The following VRK2 variants were observed in gnomAD, a reference collection of about 807,000 sequenced individuals.
The protein encoded by VRK2 is VRK serine/threonine kinase 2.
In VRK2, 60 loss-of-function variants were observed where a neutral mutation model predicts 57.6. The observed-to-expected ratio is 1.04, with a 90% confidence interval of 0.85 to 1.29. The LOEUF (loss-of-function observed/expected upper bound fraction) is 1.29, where lower values mean the gene tolerates loss of function less well. Ranked by LOEUF, VRK2 falls within the 50% of genes most tolerant of loss-of-function variation. VRK2 has a pLI of 0.00. For synonymous variants in VRK2, 231 were observed against 199.2 expected (o/e 1.16, Z -1.35); for missense variants, 705 against 588.1 (o/e 1.20, Z -2.06).
At chr2:58,049,053 T>A in intron 2 of VRK2, 86 bp downstream of exon 2, 1 of 1,477,488 alleles carries the variant, frequency 6.8e-7, no homozygotes, top group East Asian at 2.3e-5. Context: ...AATGGAAATA[T>A]GGAATTCATA....
intron 1 of VRK2, among the ~76,000 whole-genome samples, chr2:57,931,874 C>T (rs1439485162): frequency 6.6e-6 from 1 of 150,916 alleles, no homozygotes; most frequent in Non-Finnish European, 1.5e-5. Flanking sequence ...ATGGAAGAGA[C>T]TACCTTTTAC....
chr2:58,103,524 A>G (rs1031609430), intron 7 of VRK2, among the ~76,000 whole-genome samples: 2 of 151,562 alleles, frequency 1.3e-5, no homozygotes, highest in East Asian at 1.9e-4. Context: ...GAAACATACA[A>G]CCTCTCAAGA....
intron 6 of VRK2, among the ~76,000 whole-genome samples, chr2:58,089,372 G>C (rs1672059744): frequency 6.6e-6 from 1 of 152,142 alleles, no homozygotes. Context: ...CAGGAATTAG[G>C]CATAAGCATT....
intron 1 of VRK2, chr2:58,048,526 G>A: frequency 3.0e-6 from 4 of 1,327,442 alleles, no homozygotes; most frequent in Non-Finnish European, 4.0e-6. Context: ...TGTTTCTTAA[G>A]GTGTGTCCTG....
chr2:58,032,683 C>G (rs1674153307), intron 2 of VRK2, among the ~76,000 whole-genome samples: 1 of 152,116 alleles, frequency 6.6e-6, no homozygotes, highest in African/African-American at 2.4e-5. Context: ...TTCCAGTCTC[C>G]CTTAGGATAG....
intron 1 of VRK2, among the ~76,000 whole-genome samples, chr2:57,948,601 G>C (rs1461527074): frequency 6.6e-6 from 1 of 151,930 alleles, no homozygotes; most frequent in Non-Finnish European, 1.5e-5. Context: ...GGTTTTAAGT[G>C]CTGGTAAAAA....
At chr2:57,969,762 T>G (rs1672034930) in intron 1 of VRK2, among the ~76,000 whole-genome samples, 1 of 152,124 alleles carries the variant, frequency 6.6e-6, no homozygotes, top group Non-Finnish European at 1.5e-5. Flanking sequence ...TGTATTGCGG[T>G]CAGCTGAGGC....
rs184346800 is a variant in VRK2 at position 57,968,437 on chromosome 2, T to C, written c.-438-57228T>C. ...AGATACTTATCAAAACATATTCTAATGAAATGCTTGATTCTTTAGTGTAAG... is the reference window on the plus strand; with the variant it reads ...AGATACTTATCAAAACATATTCTAACGAAATGCTTGATTCTTTAGTGTAAG... On this transcript the variant is annotated intron_variant, in intron 1 of 15. Coordinates refer to the VRK2 transcript ENST00000417641. Among the ~76,000 whole-genome samples the C allele has an allele frequency of 4.6e-5, 7 of 152,222 alleles. No individual in the cohort carries two copies. In the East Asian group the frequency reaches 1.4e-3, roughly 29 times the overall value.
Position 58,146,973 on chromosome 2 carries a change from C to T in VRK2, c.1182+499C>T, listed in dbSNP as rs75170771. ...TCCCTAATCTAACCTTTTTTGACAACAAGGAGAAGCATACAATGCATTTAT... is the reference window on the plus strand; with the variant it reads ...TCCCTAATCTAACCTTTTTTGACAATAAGGAGAAGCATACAATGCATTTAT... On this transcript the variant is annotated intron_variant, in intron 12 of 12. Transcript: ENST00000340157. Among the ~76,000 whole-genome samples, 849 of 151,970 alleles carry T rather than the reference C, an allele frequency of 5.6e-3. 8 individuals are homozygous for T. Among genetic ancestry groups the T allele is most frequent in the African/African-American group, 0.02 (823 of 41,502 alleles).
intron 11 of VRK2, among the ~76,000 whole-genome samples, chr2:58,145,653 C>A (rs1166191123): frequency 6.6e-6 from 1 of 151,810 alleles, no homozygotes. Context: ...ACTTTAAGTT[C>A]TAGGGTACAT....
rs1001630566 is a variant in VRK2, at chr2:58,031,785, T to G, written c.-332-1442T>G. Among the ~76,000 whole-genome samples the G allele has an allele frequency of 4.6e-5, 7 of 152,196 alleles. No individual in the cohort carries two copies. In the South Asian group the frequency reaches 1.2e-3, roughly 27 times the overall value. On this transcript the variant is annotated intron_variant, in intron 2 of 15. Transcript: ENST00000417641. ...TGTGCTATCTCTGATTTGAATCATA[T>G]CTGCTCAGATGTGGAACACGGACTT... is the stretch of plus-strand genomic sequence containing the variant.
At chr2:58,015,173 T>C (rs1037939062) in intron 1 of VRK2, among the ~76,000 whole-genome samples, 10 of 152,218 alleles carry the variant, frequency 6.6e-5, no homozygotes, top group Admixed American at 6.5e-4. Flanking sequence ...TTAAGTCCTC[T>C]TGTGTGGCTA....
At chr2:58,080,565 T>C (rs1328238202) in intron 2 of VRK2, among the ~76,000 whole-genome samples, 1 of 151,928 alleles carries the variant, frequency 6.6e-6, no homozygotes, top group Non-Finnish European at 1.5e-5. Context: ...TTCATAATTA[T>C]TATCTTTCTG....
chr2:58,079,848 T>A (rs893495736), intron 2 of VRK2, among the ~76,000 whole-genome samples: 2 of 152,022 alleles, frequency 1.3e-5, no homozygotes, highest in African/African-American at 2.4e-5. Context: ...TCATTTCTAC[T>A]GAGAGATTAT....
chr2:58,027,239 A>C (rs1020667972), intron 2 of VRK2, among the ~76,000 whole-genome samples: 1 of 151,976 alleles, frequency 6.6e-6, no homozygotes, highest in Admixed American at 6.6e-5. Flanking sequence ...CAGCAAAATG[A>C]GAAAAAATCT....
intron 1 of VRK2, among the ~76,000 whole-genome samples, chr2:57,989,348 A>G (rs1672694552): frequency 6.6e-6 from 1 of 152,236 alleles, no homozygotes; most frequent in Admixed American, 6.5e-5. Flanking sequence ...CCATCTTGAC[A>G]AAGTCTCACA....
intron 1 of VRK2, among the ~76,000 whole-genome samples, chr2:57,964,292 A>C (rs751094096): frequency 6.6e-6 from 1 of 152,228 alleles, no homozygotes; most frequent in Non-Finnish European, 1.5e-5. Flanking sequence ...AATATTATTA[A>C]GAAAATCAAA....
At chr2:58,059,311 T>A (rs1676989108) in intron 2 of VRK2, among the ~76,000 whole-genome samples, 1 of 152,034 alleles carries the variant, frequency 6.6e-6, no homozygotes, top group Non-Finnish European at 1.5e-5. Flanking sequence ...CTGAATACAT[T>A]TGTCTAGTTT....
intron 1 of VRK2, among the ~76,000 whole-genome samples, chr2:57,939,018 A>C (rs1322300204): frequency 2.0e-5 from 3 of 152,220 alleles, no homozygotes; most frequent in African/African-American, 7.2e-5. Context: ...CAAACTGAGA[A>C]ACAGACAATA....
Sources: allele counts gnomAD v4.1 joint callset (sites outside exome capture counted in the v4.1 genomes callset), GRCh38; gene constraint gnomAD v4.1.1; transcripts MANE v1.5; gene names NCBI Gene and HGNC (gene_info 2026-07-23, HGNC 2026-07-21).